INPP4B: variants seen among roughly 807,000 people sequenced by gnomAD.
INPP4B encodes the protein inositol polyphosphate 4-phosphatase type II.
INPP4B carries 55 observed loss-of-function variants against 122.5 expected under a neutral mutation model. The observed-to-expected ratio is 0.45, with a 90% CI of 0.36 to 0.56. INPP4B has a LOEUF of 0.56. INPP4B is among the 20% of genes least tolerant of loss of function. The pLI is 0.00. For missense variants in INPP4B, 1,000 were observed against 1,097.7 expected (o/e 0.91, Z 1.26); for synonymous variants, 403 against 388.7 (o/e 1.04, Z -0.43).
chr4:142,618,542 A>G (rs1744181255), intron 2 of INPP4B, among the ~76,000 whole-genome samples: 1 of 152,098 alleles, frequency 6.6e-6, no homozygotes, highest in African/African-American at 2.4e-5. Flanking sequence ...TGCAAAAAAT[A>G]AAACTGGACC....
chr4:142,511,309 A>C (rs992209045), intron 2 of INPP4B, among the ~76,000 whole-genome samples: 1 of 151,988 alleles, frequency 6.6e-6, no homozygotes, highest in Non-Finnish European at 1.5e-5. Context: ...AGAAGAACTA[A>C]AAAAAAATTA....
intron 2 of INPP4B, among the ~76,000 whole-genome samples, chr4:142,576,927 A>T (rs528585739): frequency 7.7e-4 from 117 of 152,174 alleles, no homozygotes; most frequent in Middle Eastern, 3.4e-3. Flanking sequence ...AATAAGAGTG[A>T]TGTGTCCATG....
chr4:142,627,140 G>C (rs1295023124), intron 2 of INPP4B, among the ~76,000 whole-genome samples: 1 of 152,120 alleles, frequency 6.6e-6, no homozygotes, highest in Non-Finnish European at 1.5e-5. Flanking sequence ...GTGCACTTCA[G>C]TCAACTGCAC....
chr4:142,176,369 T>C lies in INPP4B; in HGVS notation c.1182-2560A>G, dbSNP rs372451102. 5.3e-5 allele frequency among the ~76,000 whole-genome samples: 8 copies of C among 152,066 alleles called. No homozygotes were observed. The East Asian group carries it at 1.4e-3, about 26-fold the overall frequency. ...TTCACAGAATTGGAAAAAAACCACA[T>C]GACTGCTTTCTGAATGTGTCTTCTC... On this transcript the variant is annotated intron_variant, in intron 15 of 25. Transcript: ENST00000262992.
intron 7 of INPP4B, among the ~76,000 whole-genome samples, chr4:142,397,872 T>G (rs2149082193): frequency 6.6e-6 from 1 of 151,730 alleles, no homozygotes; most frequent in Non-Finnish European, 1.5e-5. Context: ...AAAAAAGTGC[T>G]TTGAAACTAT....
At chr4:142,642,259 C>T (rs1368432712) in intron 2 of INPP4B, among the ~76,000 whole-genome samples, 2 of 152,166 alleles carry the variant, frequency 1.3e-5, no homozygotes, top group East Asian at 3.8e-4. Flanking sequence ...TGTGCAGAAG[C>T]TCTTGAGTTT....
intron 2 of INPP4B, among the ~76,000 whole-genome samples, chr4:142,689,853 C>T (rs1222253977): frequency 6.6e-6 from 1 of 151,926 alleles, no homozygotes; most frequent in Non-Finnish European, 1.5e-5. Context: ...ATTTATTTTC[C>T]CCTTTTCCTA....
intron 2 of INPP4B, among the ~76,000 whole-genome samples, chr4:142,548,139 C>T (rs558607789): frequency 6.6e-6 from 1 of 152,280 alleles, no homozygotes; most frequent in East Asian, 1.9e-4. Flanking sequence ...ATCTCTCCAA[C>T]TTCTGTACAA....
intron 2 of INPP4B, chr4:142,654,727 T>A (rs1029715104): frequency 8.5e-5 from 13 of 152,176 alleles, no homozygotes; most frequent in African/African-American, 3.1e-4. Context: ...AGACCAAAGT[T>A]CCATTTTAAT....
chr4:142,420,597 T>A (rs1806668849), intron 5 of INPP4B, among the ~76,000 whole-genome samples: 1 of 152,146 alleles, frequency 6.6e-6, no homozygotes, highest in Non-Finnish European at 1.5e-5. Flanking sequence ...AGGCCTTAGA[T>A]AACCTTTTAT....
intron 2 of INPP4B, among the ~76,000 whole-genome samples, chr4:142,592,487 G>A (rs908634813): frequency 2.6e-5 from 4 of 152,044 alleles, no homozygotes; most frequent in Admixed American, 1.3e-4. Flanking sequence ...AGCAACAAAT[G>A]ACAAAGATCT....
At chr4:142,638,470 T>C (rs1749644347) in intron 2 of INPP4B, among the ~76,000 whole-genome samples, 1 of 152,174 alleles carries the variant, frequency 6.6e-6, no homozygotes, top group Non-Finnish European at 1.5e-5. Context: ...CTTTGTTCCT[T>C]GTCAAAGATC....
chr4:142,110,665 G>A (rs768046595), intron 22 of INPP4B, among the ~76,000 whole-genome samples: 12 of 152,036 alleles, frequency 7.9e-5, no homozygotes, highest in African/African-American at 2.4e-4. Context: ...TCCCTACTTT[G>A]CCATTTTGCT....
chr4:142,575,055 T>C (rs1006314884), intron 2 of INPP4B, among the ~76,000 whole-genome samples: 9 of 152,032 alleles, frequency 5.9e-5, no homozygotes, highest in African/African-American at 2.2e-4. Flanking sequence ...TGTGAATCCT[T>C]AAACTAGCTG....
chr4:142,237,649 T>G lies in INPP4B; in HGVS notation c.836+215A>C, dbSNP rs924518370. ...AGTTCAGGTCTAGATTTCTATGTTATCTATAGAAATAGATAACATAGAAAA... is the reference window on the plus strand; with the variant it reads ...AGTTCAGGTCTAGATTTCTATGTTAGCTATAGAAATAGATAACATAGAAAA... On this transcript the variant is annotated intron_variant, in intron 12 of 25. Transcript: ENST00000262992. 3.3e-5 allele frequency among the ~76,000 whole-genome samples: 5 copies of G among 151,818 alleles called. No homozygotes were observed. The South Asian group carries it at 1.0e-3, about 31-fold the overall frequency.
chr4:142,716,469 T>C (rs971889798), intron 2 of INPP4B, among the ~76,000 whole-genome samples: 1 of 152,210 alleles, frequency 6.6e-6, no homozygotes, highest in African/African-American at 2.4e-5. Flanking sequence ...TTTTTAACTG[T>C]TGCATTATCT....
At chr4:142,746,487 A>G (rs1768772460) in intron 1 of INPP4B, among the ~76,000 whole-genome samples, 1 of 152,204 alleles carries the variant, frequency 6.6e-6, no homozygotes, top group South Asian at 2.1e-4. Context: ...CCATCAAGCT[A>G]CCAATGACTT....
At chr4:142,693,379 G>A (rs1018564429) in intron 2 of INPP4B, among the ~76,000 whole-genome samples, 2 of 151,352 alleles carry the variant, frequency 1.3e-5, no homozygotes, top group African/African-American at 4.9e-5. Context: ...GTTCCTTAAA[G>A]GGCTCCACCC....
chr4:142,082,236 A>G (rs769883230), intron 24 of INPP4B, 51 bp from the exon 25 acceptor site: 2 of 1,425,692 alleles, frequency 1.4e-6, no homozygotes, highest in Non-Finnish European at 9.5e-7. Context: ...AATACCGTAA[A>G]GTGTCGGCCT....
Sources: gnomAD v4.1 joint callset for allele counts (sites outside exome capture counted in the v4.1 genomes callset) on GRCh38, gnomAD v4.1.1 for gene constraint, MANE v1.5 for transcripts, NCBI Gene and HGNC (gene_info 2026-07-23, HGNC 2026-07-21) for gene names.